NUP88: variants seen among roughly 807,000 people sequenced by gnomAD.
The protein encoded by NUP88 is nucleoporin 88.
In NUP88, 57 loss-of-function variants were observed where a neutral mutation model predicts 93.9. The observed-to-expected ratio is 0.61, with a 90% CI of 0.49 to 0.76. The LOEUF (loss-of-function observed/expected upper bound fraction) is 0.76. Ranked by LOEUF, NUP88 falls within the 30% of genes least tolerant of loss-of-function variation. NUP88 has a pLI of 0.00. For missense variants in NUP88, 911 were observed against 901.0 expected (o/e 1.01, Z -0.14); for synonymous variants, 346 against 336.8 (o/e 1.03, Z -0.30).
At chr17:5,403,785 ATTTCC>A (rs956827451) in intron 7 of NUP88, among the ~76,000 whole-genome samples, 1 of 152,178 alleles carries the variant, frequency 6.6e-6, no homozygotes, top group African/African-American at 2.4e-5. Flanking sequence ...TCAACCTATT[ATTTCC>A]TTTCCTTTTG....
intron 8 of NUP88, among the ~76,000 whole-genome samples, chr17:5,397,666 A>G (rs1912861316): frequency 6.6e-6 from 1 of 152,234 alleles, no homozygotes; most frequent in South Asian, 2.1e-4. Flanking sequence ...GTTTTAAGCC[A>G]CTAAGTCTGT....
At chr17:5,417,075 C>T (rs183394801) in intron 1 of NUP88, among the ~76,000 whole-genome samples, 8 of 152,228 alleles carry the variant, frequency 5.3e-5, no homozygotes, top group African/African-American at 1.9e-4. Flanking sequence ...ACAAGATCCA[C>T]CTGCCTCCAC....
At chr17:5,391,528 A>C (rs1341491721) in intron 10 of NUP88, 33 bp downstream of exon 10, 8 of 1,535,126 alleles carry the variant, frequency 5.2e-6, no homozygotes, top group African/African-American at 1.4e-5. Flanking sequence ...AGAATTAACA[A>C]GAGCTGTGTG....
rs1213985886 is a variant in NUP88, at chr17:5,416,634, A to C, written c.346T>G (p.Leu116Val). 1.9e-6 allele frequency: 3 copies of C among 1,611,846 alleles called. No homozygotes were observed. The highest frequency in any genetic ancestry group is 2.5e-6 in the Non-Finnish European group (3 of 1,179,452). ...PPLFEIYQVL[L>V]SPTQHHVALI... ...GCTACATGATGTTGTGTTGGGCTTA[A>C]CAAGACTTGATAGATTTCAAACAGG... Residue 116 changes from leucine (L) to valine (V), a missense_variant, in exon 2 of 17, where the codon TTA becomes GTA. Coordinates refer to ENST00000573584, the MANE Select transcript of NUP88 (RefSeq NM_002532.6).
Position 5,388,886 on chromosome 17 carries a change from C to T in NUP88, c.1559G>A (p.Arg520His), listed in dbSNP as rs149123666. Residue 520 changes from arginine (R) to histidine (H), a missense_variant, in exon 11 of 17, where the codon CGT becomes CAT. Transcript: ENST00000573584. ...GGAATCTGGGGTTTCAGCCAGAACA[C>T]GGAGGGGAGACTCTGCCACTTCAAC... is the stretch of plus-strand genomic sequence containing the variant. ...EDVEVAESPL[R>H]VLAETPDSFE... 2.0e-5 allele frequency: 32 copies of T among 1,613,896 alleles called. No individual in the cohort carries two copies. Among genetic ancestry groups the T allele is most frequent in the African/African-American group, 5.3e-5 (4 of 75,018 alleles).
chr17:5,411,868 T>C lies in NUP88; in HGVS notation c.594-1079A>G, dbSNP rs147547580. Among the ~76,000 whole-genome samples the C allele has an allele frequency of 7.9e-5, 12 of 152,354 alleles. No homozygotes were observed. In the East Asian group the frequency reaches 2.3e-3, roughly 29 times the overall value. On this transcript the variant is annotated intron_variant, in intron 3 of 16. Coordinates refer to ENST00000573584, the MANE Select transcript of NUP88 (RefSeq NM_002532.6). The stretch of plus-strand genomic sequence containing the variant: ...AATGCCACATTAAGTATTTAATAAA[T>C]TTTTAATGATAACTTGATCCATTTG...
chr17:5,404,191 T>C lies in NUP88; in HGVS notation c.1100A>G (p.Glu367Gly), dbSNP rs759038421. Reference protein sequence around the residue: ...IDLIPSLYVFECVELELALKL... With the variant: ...IDLIPSLYVFGCVELELALKL... Reference sequence around the variant, plus strand: ...CAAAGCAAGCTCCAACTCAACACATTCAAACACATACAGAGAAGGAATGAG... The same window carrying C: ...CAAAGCAAGCTCCAACTCAACACATCCAAACACATACAGAGAAGGAATGAG... The change falls in exon 7 of 17, where the codon GAA becomes GGA. Residue 367 changes from glutamate (E) to glycine (G), a missense_variant. Glu to Gly is a moderately conservative substitution (Grantham distance 98). Coordinates refer to ENST00000573584, the MANE Select transcript of NUP88 (RefSeq NM_002532.6). 5 of 1,613,982 alleles carry C rather than the reference T, an allele frequency of 3.1e-6. No individual in the cohort carries two copies. The Admixed American group carries it at 6.7e-5, about 22-fold the overall frequency.
At chr17:5,404,765 A>G (rs1172763352) in intron 6 of NUP88, among the ~76,000 whole-genome samples, 1 of 152,192 alleles carries the variant, frequency 6.6e-6, no homozygotes, top group Non-Finnish European at 1.5e-5. Context: ...TGTTTGTGAA[A>G]AAAGCCAATT....
At chr17:5,413,902 ACT>A (rs1195831701) in intron 3 of NUP88, 105 bp downstream of exon 3, 2 of 1,196,994 alleles carry the variant, frequency 1.7e-6, no homozygotes, top group African/African-American at 3.0e-5. Flanking sequence ...CAATAAAAGC[ACT>A]GACTCATTCA....
In NUP88 at chr17:5,419,456, G is replaced by A; in HGVS notation, c.195C>T (p.Gly65=). Residue 65 remains glycine (G), a synonymous_variant, in exon 1 of 17, where the codon GGC becomes GGT. Transcript: ENST00000573584. ...LLTRNVVFGL[G]GELFLWDGED... ...CTCCGTCCCACAGGAAAAGCTCTCCGCCGAGGCCAAAGACCACGTTTCTCG... is the reference window on the plus strand; with the variant it reads ...CTCCGTCCCACAGGAAAAGCTCTCCACCGAGGCCAAAGACCACGTTTCTCG... The A allele has an allele frequency of 6.2e-7, 1 of 1,613,954 alleles. No individual in the cohort carries two copies. The highest frequency in any genetic ancestry group is 8.5e-7 in the Non-Finnish European group (1 of 1,179,954).
intron 7 of NUP88, among the ~76,000 whole-genome samples, chr17:5,402,364 C>G (rs537814149): frequency 2.0e-5 from 3 of 152,098 alleles, no homozygotes; most frequent in Non-Finnish European, 2.9e-5. Flanking sequence ...AAAACGTCCA[C>G]GTCTACACTT....
At chr17:5,402,312 AAAAAAAC>A (rs1913222562) in intron 7 of NUP88, among the ~76,000 whole-genome samples, 1 of 152,106 alleles carries the variant, frequency 6.6e-6, no homozygotes, top group Non-Finnish European at 1.5e-5. Flanking sequence ...CATCTCAAAA[AAAAAAAC>A]AAAAAACAAA....
rs1402189694 is a variant in NUP88, at chr17:5,404,170, G to A, written c.1121C>T (p.Ala374Val). 6.2e-7 allele frequency: 1 copy of A among 1,614,060 alleles called. No homozygotes were observed. Among genetic ancestry groups the A allele is most frequent in the East Asian group, 2.2e-5 (1 of 44,884 alleles). ...YVFECVELEL[A>V]LKLASGEDDP... ...ATCCTCTCCAGATGCCAGTTTCAAA[G>A]CAAGCTCCAACTCAACACATTCAAA... The change falls in exon 7 of 17, where the codon GCT becomes GTT. Residue 374 changes from alanine (A) to valine (V), a missense_variant. Ala to Val is a moderately conservative substitution (Grantham distance 64). Coordinates refer to ENST00000573584, the MANE Select transcript of NUP88 (RefSeq NM_002532.6).
intron 3 of NUP88, among the ~76,000 whole-genome samples, chr17:5,412,080 A>G (rs1222981120): frequency 6.6e-6 from 1 of 152,214 alleles, no homozygotes; most frequent in Non-Finnish European, 1.5e-5. Context: ...GGAAAACAGA[A>G]GTGTTAAATA....
chr17:5,415,181 C>T (rs1478734942), intron 2 of NUP88, among the ~76,000 whole-genome samples: 3 of 151,536 alleles, frequency 2.0e-5, no homozygotes, highest in Admixed American at 6.6e-5. Context: ...CACCACACCC[C>T]ACTTATTTTT....
Position 5,408,885 on chromosome 17 carries a change from T to C in NUP88, c.705A>G (p.Gly235=), listed in dbSNP as rs757914979. 4 of 1,611,758 alleles carry C rather than the reference T, an allele frequency of 2.5e-6. No individual in the cohort carries two copies. Among genetic ancestry groups the C allele is most frequent in the Non-Finnish European group, 3.4e-6 (4 of 1,179,264 alleles). ...NKGRAYTASL[G]ETAVAFDFGP... is the part of the protein sequence containing the mutation. ...CAAAGTCAAATGCAACTGCTGTCTCTCCTAGAGATGCGGTATACGCCCTTC... is the reference window on the plus strand; with the variant it reads ...CAAAGTCAAATGCAACTGCTGTCTCCCCTAGAGATGCGGTATACGCCCTTC... Residue 235 remains glycine (G), a synonymous_variant, in exon 5 of 17, where the codon GGA becomes GGG. Transcript: ENST00000573584.
At position 5,419,344 on chromosome 17, in the gene NUP88, C is replaced by T. The variant is rs754900626; in HGVS notation, c.297+10G>A. 3 of 1,548,292 alleles carry T rather than the reference C, an allele frequency of 1.9e-6. No individual in the cohort carries two copies. The highest frequency in any genetic ancestry group is 2.6e-6 in the Non-Finnish European group (3 of 1,148,074). Reference sequence around the variant, plus strand: ...GGTGAGGGTCACTTCCAAGATCGGCCTGGCATTACCTGGTACTGGGACAGG... The same window carrying T: ...GGTGAGGGTCACTTCCAAGATCGGCTTGGCATTACCTGGTACTGGGACAGG... On this transcript the variant is annotated intron_variant, in intron 1 of 16. Coordinates refer to ENST00000573584, the MANE Select transcript of NUP88 (RefSeq NM_002532.6).
At chr17:5,394,049 A>G (rs1288354445) in intron 9 of NUP88, among the ~76,000 whole-genome samples, 1 of 152,182 alleles carries the variant, frequency 6.6e-6, no homozygotes, top group South Asian at 2.1e-4. Flanking sequence ...AGATGAGTTA[A>G]GGGGACATCT....
intron 5 of NUP88, among the ~76,000 whole-genome samples, chr17:5,406,165 T>C (rs1913476901): frequency 6.6e-6 from 1 of 152,120 alleles, no homozygotes; most frequent in African/African-American, 2.4e-5. Flanking sequence ...ATTTATGGTG[T>C]ACAAAGGAAT....
Sources: allele counts gnomAD v4.1 joint callset (sites outside exome capture counted in the v4.1 genomes callset), GRCh38; gene constraint gnomAD v4.1.1; transcripts MANE v1.5; gene names NCBI Gene and HGNC (gene_info 2026-07-23, HGNC 2026-07-21).